The following FBXW4 variants were observed in gnomAD, a reference collection of about 807,000 sequenced individuals.
The protein encoded by FBXW4 is F-box and WD repeat domain containing 4.
A neutral mutation model predicts 61.8 loss-of-function variants in FBXW4; 40 were observed. The observed-to-expected ratio is 0.65, with a 90% CI of 0.50 to 0.84. The LOEUF is 0.84. Among genes scored for constraint, FBXW4 ranks in the 40% least tolerant of loss-of-function variants. The pLI, the probability that FBXW4 is intolerant of heterozygous loss-of-function variation, is 0.00. For synonymous variants in FBXW4, 311 were observed against 313.8 expected (o/e 0.99, Z 0.10); for missense variants, 672 against 753.8 (o/e 0.89, Z 1.27).
intron 5 of FBXW4, among the ~76,000 whole-genome samples, chr10:101,663,857 G>A (rs924685347): frequency 1.3e-5 from 2 of 152,096 alleles, no homozygotes; most frequent in Admixed American, 1.3e-4. Flanking sequence ...ACAACTCCAG[G>A]TGAGACCTCC....
At chr10:101,647,381 G>T (rs1320459400) in intron 5 of FBXW4, among the ~76,000 whole-genome samples, 4 of 152,146 alleles carry the variant, frequency 2.6e-5, no homozygotes, top group Non-Finnish European at 5.9e-5. Context: ...GTAGTTCTTT[G>T]AAGTAGGAGA....
chr10:101,615,468 G>C lies in FBXW4; in HGVS notation c.1302-2991C>G, dbSNP rs186952925. On this transcript the variant is annotated intron_variant, in intron 6 of 8. Coordinates refer to ENST00000331272, the MANE Select transcript of FBXW4 (RefSeq NM_022039.4). ...ATGGGGCCATCTGTGTGAGCCTGAT[G>C]AATGAGACACAGGCTGAGGAGGGGC... Among the ~76,000 whole-genome samples the C allele has an allele frequency of 3.2e-4, 49 of 152,224 alleles. No individual in the cohort carries two copies. The East Asian group carries it at 8.3e-3, about 26-fold the overall frequency.
chr10:101,634,226 A>G (rs544353293), intron 5 of FBXW4, among the ~76,000 whole-genome samples: 39 of 150,362 alleles, frequency 2.6e-4, no homozygotes, highest in Non-Finnish European at 4.9e-4. Flanking sequence ...AAAAATGAAC[A>G]AATAAACAAA....
In FBXW4 at chr10:101,610,975, C is replaced by T. The variant is rs1347303400; in HGVS notation, c.*316G>A. On this transcript the variant is annotated 3_prime_UTR_variant, in exon 9 of 9. Coordinates refer to ENST00000331272, the MANE Select transcript of FBXW4 (RefSeq NM_022039.4). Reference sequence around the variant, plus strand: ...CCTCACTCTGTAGGCTGTCATGGCTCTAATAAGGGGTATAGGATGGGCCTC... The same window carrying T: ...CCTCACTCTGTAGGCTGTCATGGCTTTAATAAGGGGTATAGGATGGGCCTC... 1 of 193,182 alleles carries T rather than the reference C, an allele frequency of 5.2e-6. No homozygotes were observed. Among genetic ancestry groups the T allele is most frequent in the Non-Finnish European group, 1.1e-5 (1 of 94,176 alleles). 12.0% of individuals were successfully genotyped at this position (193,182 alleles called of 1,614,324 possible). A position where few individuals can be genotyped will look rare whatever the true frequency, so the allele number is the denominator to read the frequency against.
At chr10:101,689,441 C>G (rs2064568357) in intron 1 of FBXW4, among the ~76,000 whole-genome samples, 1 of 152,210 alleles carries the variant, frequency 6.6e-6, no homozygotes, top group African/African-American at 2.4e-5. Context: ...TATTTTGAAC[C>G]TGTAAACTAA....
chr10:101,659,141 C>T (rs1393864279), intron 5 of FBXW4, among the ~76,000 whole-genome samples: 1 of 152,102 alleles, frequency 6.6e-6, no homozygotes, highest in Non-Finnish European at 1.5e-5. Flanking sequence ...GATTAATCAC[C>T]ACCAGGAGGG....
chr10:101,673,175 CAG>C, intron 3 of FBXW4, 128 bp from the exon 4 acceptor site: 1 of 1,174,344 alleles, frequency 8.5e-7, no homozygotes, highest in Non-Finnish European at 1.2e-6. Flanking sequence ...CAATTCAGCC[CAG>C]TAAGGTGCTG....
At chr10:101,629,507 C>T (rs2063934267) in intron 5 of FBXW4, among the ~76,000 whole-genome samples, 1 of 152,096 alleles carries the variant, frequency 6.6e-6, no homozygotes, top group Admixed American at 6.6e-5. Context: ...TGGTCTCGAA[C>T]TCCTGACCTC....
chr10:101,638,173 G>A (rs1411805792), intron 5 of FBXW4, among the ~76,000 whole-genome samples: 1 of 152,190 alleles, frequency 6.6e-6, no homozygotes, highest in Non-Finnish European at 1.5e-5. Flanking sequence ...CCAAAGGACT[G>A]TTTGTAACAG....
intron 5 of FBXW4, among the ~76,000 whole-genome samples, chr10:101,650,606 C>T (rs2064137653): frequency 6.6e-6 from 1 of 152,204 alleles, no homozygotes; most frequent in African/African-American, 2.4e-5. Context: ...CTCGAGCATC[C>T]CAAGGTGCTC....
chr10:101,633,776 G>C (rs1329532226), intron 5 of FBXW4, among the ~76,000 whole-genome samples: 1 of 152,040 alleles, frequency 6.6e-6, no homozygotes, highest in Non-Finnish European at 1.5e-5. Flanking sequence ...ATAACAAACT[G>C]TTATTATATA....
At chr10:101,646,736 G>C (rs577742184) in intron 5 of FBXW4, among the ~76,000 whole-genome samples, 2 of 152,342 alleles carry the variant, frequency 1.3e-5, no homozygotes, top group African/African-American at 4.8e-5. Context: ...AGCAAATAAA[G>C]CCACAGGGAG....
chr10:101,624,559 C>T (rs998478471), intron 6 of FBXW4, among the ~76,000 whole-genome samples, 186 bp downstream of exon 6: 19 of 152,228 alleles, frequency 1.2e-4, no homozygotes. Context: ...TTATAAATTA[C>T]TTCAGCAGTC....
chr10:101,679,860 T>C (rs954543225), intron 1 of FBXW4, among the ~76,000 whole-genome samples: 4 of 152,174 alleles, frequency 2.6e-5, no homozygotes, highest in Admixed American at 6.5e-5. Context: ...CTGTACCCAG[T>C]AGGTAATTTT....
intron 5 of FBXW4, among the ~76,000 whole-genome samples, chr10:101,664,372 C>A (rs2064275939): frequency 6.6e-6 from 1 of 152,226 alleles, no homozygotes; most frequent in Admixed American, 6.5e-5. Context: ...TTCCTCCTAA[C>A]TGCATAAGGG....
At chr10:101,627,327 A>G (rs914100971) in intron 5 of FBXW4, among the ~76,000 whole-genome samples, 3 of 152,190 alleles carry the variant, frequency 2.0e-5, no homozygotes, top group Non-Finnish European at 2.9e-5. Flanking sequence ...TCTTCCTGGC[A>G]CTTAGGAGGA....
At chr10:101,688,589 C>G (rs188771197) in intron 1 of FBXW4, among the ~76,000 whole-genome samples, 79 of 152,302 alleles carry the variant, frequency 5.2e-4, no homozygotes, top group Admixed American at 2.7e-3. Flanking sequence ...ATTCAGGGTA[C>G]ATAAACATAT....
In FBXW4 at chr10:101,611,910, C is replaced by T; in HGVS notation, c.1443-141G>A. 9.4e-7 allele frequency: 1 copy of T among 1,063,780 alleles called. No individual in the cohort carries two copies. Among genetic ancestry groups the T allele is most frequent in the Non-Finnish European group, 1.3e-6 (1 of 761,116 alleles). 65.9% of individuals were successfully genotyped at this position (1,063,780 alleles called of 1,614,324 possible). A position where few individuals can be genotyped will look rare whatever the true frequency, so the allele number is the denominator to read the frequency against. On this transcript the variant is annotated intron_variant, in intron 7 of 8. Coordinates refer to ENST00000331272, the MANE Select transcript of FBXW4 (RefSeq NM_022039.4). The surrounding 1 kb of genome is among the most constrained non-coding windows in gnomAD (Gnocchi z 4.9). ...AGAAAGAAGCCTAAATCATCAGATT[C>T]ATCAAAAACCGAACTTCATGGGAGA...
intron 1 of FBXW4, among the ~76,000 whole-genome samples, chr10:101,677,358 T>C (rs984743884): frequency 1.3e-5 from 2 of 152,134 alleles, no homozygotes; most frequent in Non-Finnish European, 2.9e-5. Context: ...AAAGAAGTAC[T>C]GATACACAAC....
Sources: allele counts gnomAD v4.1 joint callset (sites outside exome capture counted in the v4.1 genomes callset), GRCh38; gene constraint gnomAD v4.1.1; non-coding constraint Gnocchi (gnomAD v3.1); transcripts MANE v1.5; gene names NCBI Gene and HGNC (gene_info 2026-07-23, HGNC 2026-07-21).